The following SLC44A5 variants were observed in gnomAD, a reference collection of about 807,000 sequenced individuals.
The protein encoded by SLC44A5 is solute carrier family 44 member 5, also known as choline transporter-like protein 5.
SLC44A5 carries 57 observed loss-of-function variants against 101.8 expected under a neutral mutation model. That is an observed-to-expected ratio of 0.56 (90% confidence interval 0.45 to 0.70). The LOEUF (loss-of-function observed/expected upper bound fraction) is 0.70, where lower values mean the gene tolerates loss of function less well. SLC44A5 is among the 30% of genes least tolerant of loss of function. SLC44A5 has a pLI of 0.00. For synonymous variants in SLC44A5, 281 were observed against 290.9 expected (o/e 0.97, Z 0.35); for missense variants, 737 against 853.1 (o/e 0.86, Z 1.70).
the SLC44A5 span, among the ~76,000 whole-genome samples, chr1:75,621,160 C>A: frequency 6.6e-6 from 1 of 152,084 alleles, no homozygotes; most frequent in African/African-American, 2.4e-5. Flanking sequence ...ACACATTTTT[C>A]CTGATAGTGA....
intron 2 of SLC44A5, among the ~76,000 whole-genome samples, chr1:75,531,851 GC>G (rs1472351037): frequency 6.6e-6 from 1 of 151,896 alleles, no homozygotes; most frequent in Admixed American, 6.6e-5. Context: ...GATTAAGAAA[GC>G]CTCTGTCCCT....
At chr1:75,302,117 T>TTG (rs1654520079) in intron 4 of SLC44A5, among the ~76,000 whole-genome samples, 3 of 136,708 alleles carry the variant, frequency 2.2e-5, no homozygotes. Context: ...TTTTTGTTTT[T>TTG]TTTTTTTTTT....
At chr1:75,654,379 T>C in the SLC44A5 span, among the ~76,000 whole-genome samples, 2 of 152,220 alleles carry the variant, frequency 1.3e-5, no homozygotes, top group African/African-American at 2.4e-5. Context: ...AATTGTCAGA[T>C]GCTGTCAAAA....
At chr1:75,540,830 G>A (rs932834976) in intron 2 of SLC44A5, among the ~76,000 whole-genome samples, 13 of 152,068 alleles carry the variant, frequency 8.5e-5, no homozygotes, top group South Asian at 4.1e-4. Flanking sequence ...GACTAAGTCC[G>A]AAGAAGGTAA....
intron 1 of SLC44A5, among the ~76,000 whole-genome samples, chr1:75,603,405 C>G (rs971136805): frequency 1.3e-5 from 2 of 149,104 alleles, no homozygotes; most frequent in Non-Finnish European, 3.0e-5. Context: ...TAGGTTGATT[C>G]CATGTCTTTG....
chr1:75,268,410 GCATTGATCA>G (rs1241675123), intron 6 of SLC44A5, among the ~76,000 whole-genome samples: 1 of 151,974 alleles, frequency 6.6e-6, no homozygotes, highest in African/African-American at 2.4e-5. Flanking sequence ...TTTCTTCATA[GCATTGATCA>G]CTATTTGAAG....
chr1:75,368,674 A>ACACCG (rs1553167852), intron 3 of SLC44A5, among the ~76,000 whole-genome samples: 5 of 148,366 alleles, frequency 3.4e-5, no homozygotes, highest in African/African-American at 1.3e-4. Context: ...CACACACACC[A>ACACCG]CACTCAAATT....
chr1:75,242,142 A>C, intron 8 of SLC44A5, 81 bp from the exon 9 acceptor site: 1 of 1,044,468 alleles, frequency 9.6e-7, no homozygotes, highest in African/African-American at 1.6e-5. Context: ...GTCCTTTAAA[A>C]AATTTAACTC....
chr1:75,533,648 A>G (rs72684155), intron 2 of SLC44A5, among the ~76,000 whole-genome samples: 2,969 of 152,318 alleles, frequency 0.019, 32 homozygotes, highest in Non-Finnish European at 0.03. Flanking sequence ...TTTGTACCCA[A>G]AGATAACCAT....
intron 5 of SLC44A5, among the ~76,000 whole-genome samples, chr1:75,297,388 C>T (rs1399801251): frequency 6.6e-6 from 1 of 152,152 alleles, no homozygotes; most frequent in East Asian, 1.9e-4. Flanking sequence ...AGGCTCCAGC[C>T]ATCCTCCCAA....
chr1:75,636,218 A>G, the SLC44A5 span, among the ~76,000 whole-genome samples: 1 of 152,022 alleles, frequency 6.6e-6, no homozygotes, highest in South Asian at 2.1e-4. Flanking sequence ...CTGAACTGTT[A>G]TCATATATAT....
intron 5 of SLC44A5, among the ~76,000 whole-genome samples, chr1:75,288,616 A>C (rs1000280551): frequency 1.3e-5 from 2 of 152,212 alleles, no homozygotes; most frequent in African/African-American, 4.8e-5. Flanking sequence ...GAGGGAAGAC[A>C]GGTTCTGAAG....
intron 3 of SLC44A5, among the ~76,000 whole-genome samples, chr1:75,367,472 G>T (rs1466569970): frequency 6.6e-6 from 1 of 152,230 alleles, no homozygotes; most frequent in Non-Finnish European, 1.5e-5. Flanking sequence ...TTTGTGGACA[G>T]GTGTGGCTCC....
chr1:75,592,241 C>CA (rs1016155946), intron 1 of SLC44A5, among the ~76,000 whole-genome samples: 1 of 149,626 alleles, frequency 6.7e-6, no homozygotes, highest in Non-Finnish European at 1.5e-5. Flanking sequence ...GTGAACAATG[C>CA]AAAAAAAAAT....
chr1:75,425,765 C>T (rs186042180), intron 2 of SLC44A5, among the ~76,000 whole-genome samples: 48 of 152,170 alleles, frequency 3.2e-4, no homozygotes, highest in Admixed American at 1.9e-3. Flanking sequence ...CCTTCTTAGC[C>T]GCAGAACTCA....
intron 2 of SLC44A5, among the ~76,000 whole-genome samples, chr1:75,412,464 C>T (rs974299757): frequency 2.6e-5 from 4 of 152,066 alleles, no homozygotes; most frequent in Non-Finnish European, 5.9e-5. Context: ...TACAGCAGAC[C>T]AGGAAGTTAC....
At chr1:75,424,202 G>A (rs1158711593) in intron 2 of SLC44A5, among the ~76,000 whole-genome samples, 1 of 152,198 alleles carries the variant, frequency 6.6e-6, no homozygotes, top group Non-Finnish European at 1.5e-5. Flanking sequence ...TCAGTCTAAA[G>A]CTATACGTTA....
chr1:75,271,461 C>T (rs572433684), intron 6 of SLC44A5, among the ~76,000 whole-genome samples: 12 of 149,330 alleles, frequency 8.0e-5, no homozygotes, highest in Non-Finnish European at 1.6e-4. Context: ...TCCCCCTCCT[C>T]GAGTCCCCTA....
rs556598335 is a variant in SLC44A5, at chr1:75,417,244, T to A, written c.14-20623A>T. ...AGTAAATGGGACTCACGAGATCTGA[T>A]GGTTTTAAAAATGAGAGTCTCTCTG... On this transcript the variant is annotated intron_variant, in intron 2 of 23. Coordinates refer to ENST00000370859, the MANE Select transcript of SLC44A5 (RefSeq NM_001130058.2). Among the ~76,000 whole-genome samples, 26 of 152,290 alleles carry A rather than the reference T, an allele frequency of 1.7e-4. 1 individual carries two copies. In the South Asian group the frequency reaches 5.4e-3, roughly 32 times the overall value.
Sources: gnomAD v4.1 joint callset for allele counts (sites outside exome capture counted in the v4.1 genomes callset) on GRCh38, gnomAD v4.1.1 for gene constraint, MANE v1.5 for transcripts, NCBI Gene and HGNC (gene_info 2026-07-23, HGNC 2026-07-21) for gene names.